SLC1A1: variants seen among roughly 807,000 people sequenced by gnomAD.
SLC1A1 encodes solute carrier family 1 member 1.
SLC1A1 carries 43 observed loss-of-function variants against 53.3 expected under a neutral mutation model. The ratio of observed to expected loss-of-function variants is 0.81; its 90% confidence interval spans 0.63 to 1.04. The LOEUF (loss-of-function observed/expected upper bound fraction) is 1.04. Ranked by LOEUF, SLC1A1 falls within the 50% of genes least tolerant of loss-of-function variation. The pLI is 0.00. For missense variants in SLC1A1, 748 were observed against 664.9 expected, an observed-to-expected ratio of 1.12 and a Z score of -1.37; for synonymous variants, 307 against 243.2, an observed-to-expected ratio of 1.26 and a Z score of -2.44.
intron 3 of SLC1A1, among the ~76,000 whole-genome samples, chr9:4,564,108 G>C (rs564791578): frequency 1.3e-5 from 2 of 149,152 alleles, no homozygotes; most frequent in East Asian, 3.9e-4. Flanking sequence ...CACACACACA[G>C]ACGCACACGC....
chr9:4,525,982 A>G (rs1195680166), intron 1 of SLC1A1, among the ~76,000 whole-genome samples: 3 of 152,204 alleles, frequency 2.0e-5, no homozygotes, highest in African/African-American at 7.2e-5. Flanking sequence ...CAGAATTTAG[A>G]AGGAAATGTC....
At chr9:4,494,322 G>T (rs1820337370) in intron 1 of SLC1A1, among the ~76,000 whole-genome samples, 1 of 152,142 alleles carries the variant, frequency 6.6e-6, no homozygotes, top group Non-Finnish European at 1.5e-5. Context: ...TTTGTTATTA[G>T]AGGTGTGAAA....
rs368227901 is a variant in SLC1A1 at position 4,506,463 on chromosome 9, G to A, written c.91+15693G>A. On this transcript the variant is annotated intron_variant, in intron 1 of 11. Transcript: ENST00000262352. ...AAGAAAAGATCTTGTTGCCAATTCA[G>A]AAACCATAACCTTAAATAGCATGCC... 7.9e-5 allele frequency among the ~76,000 whole-genome samples: 12 copies of A among 152,046 alleles called. No homozygotes were observed. In the South Asian group the frequency reaches 2.1e-3, roughly 26 times the overall value.
At chr9:4,536,060 C>A (rs1468626148) in intron 1 of SLC1A1, among the ~76,000 whole-genome samples, 10 of 152,196 alleles carry the variant, frequency 6.6e-5, no homozygotes, top group African/African-American at 2.4e-4. Flanking sequence ...GGATGAAAGA[C>A]TTAAATGTTA....
chr9:4,535,683 T>G (rs1256719845), intron 1 of SLC1A1, among the ~76,000 whole-genome samples: 1 of 152,070 alleles, frequency 6.6e-6, no homozygotes, highest in African/African-American at 2.4e-5. Context: ...ACCAATGACT[T>G]TCTTCACAGA....
At chr9:4,553,535 T>A (rs1451272184) in intron 2 of SLC1A1, 1 of 151,860 alleles carries the variant, frequency 6.6e-6, no homozygotes, top group African/African-American at 2.4e-5. Flanking sequence ...ACCGGCTAAT[T>A]TTTGTATTTT....
intron 1 of SLC1A1, among the ~76,000 whole-genome samples, chr9:4,523,855 C>T: frequency 6.6e-6 from 1 of 152,184 alleles, no homozygotes; most frequent in East Asian, 1.9e-4. Context: ...GAAACAGAGG[C>T]ACAGGCTACA....
In SLC1A1 at chr9:4,583,880, T is replaced by TCACACA. The variant is rs1554691056; in HGVS notation, c.1328+709_1328+710insACACAC. Among the ~76,000 whole-genome samples the TCACACA allele has an allele frequency of 7.6e-5, 10 of 131,730 alleles. No individual in the cohort carries two copies. Among genetic ancestry groups the TCACACA allele is most frequent in the African/African-American group, 3.3e-4 (10 of 30,042 alleles). The allele number at this position is 131,730 out of a possible 152,430, so 86.4% of individuals were successfully genotyped here. On this transcript the variant is annotated intron_variant, in intron 11 of 11. Coordinates refer to ENST00000262352, the MANE Select transcript of SLC1A1 (RefSeq NM_004170.6). This position sits in a 1 kb window ranked among gnomAD's most constrained non-coding sequence, Gnocchi z 4.6. ...CTCTCTCTCTCTCTCTCTCTCTCTC[T>TCACACA]CTCACACACACACACACACACACAC...
chr9:4,514,485 C>A (rs1821098650), intron 1 of SLC1A1, among the ~76,000 whole-genome samples: 1 of 152,184 alleles, frequency 6.6e-6, no homozygotes, highest in African/African-American at 2.4e-5. Context: ...GCACATGTCA[C>A]ATGGATCTTG....
intron 2 of SLC1A1, among the ~76,000 whole-genome samples, chr9:4,546,481 C>T (rs962047331): frequency 3.9e-5 from 6 of 152,026 alleles, no homozygotes; most frequent in South Asian, 2.1e-4. Context: ...CACCTATCAA[C>T]GGTGGTCTGA....
At chr9:4,545,889 G>C (rs1196833623) in intron 2 of SLC1A1, among the ~76,000 whole-genome samples, 1 of 152,176 alleles carries the variant, frequency 6.6e-6, no homozygotes, top group Non-Finnish European at 1.5e-5. Context: ...ACTTAACTCT[G>C]GCAATTAGTA....
At chr9:4,575,902 T>G in intron 8 of SLC1A1, 99 bp from the exon 9 acceptor site, 1 of 1,430,754 alleles carries the variant, frequency 7.0e-7, no homozygotes. Context: ...ATTATGAAAG[T>G]CAAACAATTT....
chr9:4,531,991 G>A (rs996508430), intron 1 of SLC1A1, among the ~76,000 whole-genome samples: 1 of 152,208 alleles, frequency 6.6e-6, no homozygotes, highest in Non-Finnish European at 1.5e-5. Context: ...CTGCAGCTGA[G>A]GGTCCTGACC....
intron 1 of SLC1A1, 131 bp downstream of exon 1, chr9:4,490,901 C>A: frequency 1.4e-6 from 1 of 716,598 alleles, no homozygotes; most frequent in South Asian, 1.8e-5. Flanking sequence ...TCGGCCTTAG[C>A]CTCGGGCCCC....
intron 1 of SLC1A1, among the ~76,000 whole-genome samples, chr9:4,508,158 A>G (rs1371658541): frequency 6.6e-6 from 1 of 152,196 alleles, no homozygotes; most frequent in Non-Finnish European, 1.5e-5. Flanking sequence ...CTTCACAGGA[A>G]TGCAAACAAG....
At chr9:4,560,154 A>G (rs969574470) in intron 2 of SLC1A1, 3 of 152,256 alleles carry the variant, frequency 2.0e-5, no homozygotes, top group Non-Finnish European at 4.4e-5. Flanking sequence ...AGAAATTTTA[A>G]GATGTCTCAC....
chr9:4,569,554 T>C (rs1819826488), intron 6 of SLC1A1, among the ~76,000 whole-genome samples: 1 of 152,202 alleles, frequency 6.6e-6, no homozygotes, highest in Non-Finnish European at 1.5e-5. Context: ...CTGTAGCAGA[T>C]TTCTCCCGAA....
chr9:4,540,921 G>T (rs144455461), intron 1 of SLC1A1, among the ~76,000 whole-genome samples: 1 of 152,358 alleles, frequency 6.6e-6, no homozygotes, highest in East Asian at 1.9e-4. Flanking sequence ...AATAGGAGAA[G>T]TTAAAGTTAT....
At chr9:4,527,754 T>C (rs1297268432) in intron 1 of SLC1A1, among the ~76,000 whole-genome samples, 1 of 152,100 alleles carries the variant, frequency 6.6e-6, no homozygotes, top group Non-Finnish European at 1.5e-5. Context: ...ACCATTTTCT[T>C]ACCGTTTTGA....
Sources: gnomAD v4.1 joint callset for allele counts (sites outside exome capture counted in the v4.1 genomes callset) on GRCh38, gnomAD v4.1.1 for gene constraint, Gnocchi (gnomAD v3.1) non-coding constraint, MANE v1.5 for transcripts, NCBI Gene and HGNC (gene_info 2026-07-23, HGNC 2026-07-21) for gene names.